Variants in OR1C1 observed in about 807,000 individuals in gnomAD.
OR1C1 encodes olfactory receptor 1C1.
For missense variants in OR1C1, 407 were observed against 384.3 expected, an observed-to-expected ratio of 1.06 and a Z score of -0.49; for synonymous variants, 153 against 154.6, an observed-to-expected ratio of 0.99 and a Z score of 0.08.
At position 247,758,151 on chromosome 1, in the gene OR1C1, A is replaced by C. The variant is rs767501036; in HGVS notation, c.256T>G (p.Leu86Val). The C allele has an allele frequency of 3.7e-6, 6 of 1,614,140 alleles. No individual in the cohort carries two copies. In the South Asian group the frequency reaches 6.6e-5, roughly 18 times the overall value. ...AAAGAGATAGTCTTGGTGCCAGTCAAGATATTCACTACCATTTGGGGGACT... is the reference window on the plus strand; with the variant it reads ...AAAGAGATAGTCTTGGTGCCAGTCACGATATTCACTACCATTTGGGGGACT... ...TTVPQMVVNI[L>V]TGTKTISFAG... The change falls in exon 2 of 2, where the codon TTG becomes GTG. Residue 86 changes from leucine to valine, a missense_variant. Leu to Val is a conservative substitution (Grantham distance 32). Transcript: ENST00000641256.
chr1:247,757,712 T>C lies in OR1C1; in HGVS notation c.695A>G (p.Gln232Arg). Residue 232 changes from glutamine to arginine, a missense_variant, in exon 2 of 2, where the codon CAG becomes CGG. Physicochemically the swap from Gln to Arg is conservative, Grantham distance 43 (BLOSUM62 1). Coordinates refer to ENST00000641256, the MANE Select transcript of OR1C1 (RefSeq NM_012353.3). ...FSTVLKITST[Q>R]GKQRAVSTCS... ...GGTGGAAACAGCTCTCTGCTTGCCC[T>C]GAGTAGAGGTGATCTTCAGAACAGT... is the stretch of plus-strand genomic sequence containing the variant. The C allele has an allele frequency of 6.2e-7, 1 of 1,613,974 alleles. No homozygotes were observed. The highest frequency in any genetic ancestry group is 8.5e-7 in the Non-Finnish European group (1 of 1,179,974).
At position 247,757,559 on chromosome 1, in the gene OR1C1, G is replaced by A. The variant is rs1439149981; in HGVS notation, c.848C>T (p.Pro283Leu). The A allele has an allele frequency of 1.9e-6, 3 of 1,613,866 alleles. No individual in the cohort carries two copies. Among genetic ancestry groups the A allele is most frequent in the South Asian group, 1.1e-5 (1 of 91,070 alleles). ...LSTIMYSMVA[P>L]MLNPFIYTLR... ...GGTATAGATGAAAGGATTCAGCATC[G>A]GAGCCACCATTGAATACATGATGGT... Residue 283 changes from proline (P) to leucine (L), a missense_variant, in exon 2 of 2, where the codon CCG (proline) becomes CTG (leucine). Coordinates refer to ENST00000641256, the MANE Select transcript of OR1C1 (RefSeq NM_012353.3).
chr1:247,757,546 A>G lies in OR1C1; in HGVS notation c.861T>C (p.Pro287=). 2.5e-6 allele frequency: 4 copies of G among 1,614,080 alleles called. No homozygotes were observed. The East Asian group carries it at 8.9e-5, about 36-fold the overall frequency. Residue 287 remains proline, a synonymous_variant, in exon 2 of 2, where the codon CCT becomes CCC. Coordinates refer to ENST00000641256, the MANE Select transcript of OR1C1 (RefSeq NM_012353.3). ...CCCTGTTCCTTAGGGTATAGATGAAAGGATTCAGCATCGGAGCCACCATTG... is the reference window on the plus strand; with the variant it reads ...CCCTGTTCCTTAGGGTATAGATGAAGGGATTCAGCATCGGAGCCACCATTG... ...MYSMVAPMLN[P]FIYTLRNRDM...
Position 247,757,529 on chromosome 1 carries a change from C to T in OR1C1, c.878G>A (p.Arg293Lys). The change falls in exon 2 of 2, where the codon AGG (arginine) becomes AAG (lysine). Residue 293 changes from arginine to lysine, a missense_variant. Transcript: ENST00000641256. ...AAGTCCCCTCTTCATATCCCTGTTCCTTAGGGTATAGATGAAAGGATTCAG... is the reference window on the plus strand; with the variant it reads ...AAGTCCCCTCTTCATATCCCTGTTCTTTAGGGTATAGATGAAAGGATTCAG... ...PMLNPFIYTLRNRDMKRGLQK... is the reference protein window; with the variant it reads ...PMLNPFIYTLKNRDMKRGLQK... 1.2e-6 allele frequency: 2 copies of T among 1,613,904 alleles called. No individual in the cohort carries two copies. The highest frequency in any genetic ancestry group is 1.7e-6 in the Non-Finnish European group (2 of 1,179,982).
chr1:247,758,266 C>T lies in OR1C1; in HGVS notation c.141G>A (p.Ala47=), dbSNP rs200208817. 3.9e-5 allele frequency: 63 copies of T among 1,613,778 alleles called. No homozygotes were observed. The highest frequency in any genetic ancestry group is 2.0e-4 in the Admixed American group (12 of 59,946). ...ATTLGNMLII[A]TIGFDSHLHS... ...GGAGGTGAGAGTCAAAGCCAATCGTCGCAATGATGAGCATGTTCCCCAAGG... is the reference window on the plus strand; with the variant it reads ...GGAGGTGAGAGTCAAAGCCAATCGTTGCAATGATGAGCATGTTCCCCAAGG... The change falls in exon 2 of 2, where the codon GCG becomes GCA. Residue 47 remains alanine, a synonymous_variant. Coordinates refer to ENST00000641256, the MANE Select transcript of OR1C1 (RefSeq NM_012353.3).
At chr1:247,759,288 A>T (rs1375968028) in intron 1 of OR1C1, among the ~76,000 whole-genome samples, 1 of 152,214 alleles carries the variant, frequency 6.6e-6, no homozygotes, top group African/African-American at 2.4e-5. Context: ...TGTAATCCGT[A>T]CTTTCCTTCA....
At chr1:247,759,927 C>T (rs1221611063) in intron 1 of OR1C1, among the ~76,000 whole-genome samples, 3 of 152,178 alleles carry the variant, frequency 2.0e-5, no homozygotes, top group Non-Finnish European at 4.4e-5. Context: ...TCTCCTTCCC[C>T]TGTAGGCACT....
rs909810506 is a variant in OR1C1, at chr1:247,757,371, C to T, written c.*91G>A. Reference sequence around the variant, plus strand: ...CCAGCATAAGGGAGACATTTAATAGCAGTTGGTTTCTCTTCTCACTGTTAT... The same window carrying T: ...CCAGCATAAGGGAGACATTTAATAGTAGTTGGTTTCTCTTCTCACTGTTAT... On this transcript the variant is annotated 3_prime_UTR_variant, in exon 2 of 2. Coordinates refer to ENST00000641256, the MANE Select transcript of OR1C1 (RefSeq NM_012353.3). 2 of 895,888 alleles carry T rather than the reference C, an allele frequency of 2.2e-6. No individual in the cohort carries two copies. Among genetic ancestry groups the T allele is most frequent in the Admixed American group, 4.4e-5 (2 of 45,182 alleles). The allele number at this position is 895,888 out of a possible 1,614,324, so 55.5% of individuals were successfully genotyped here.
rs1250665539 is a variant in OR1C1, at chr1:247,755,972, TCTACAC to T, written c.*1484_*1489del. 1.3e-5 allele frequency: 2 copies of T among 152,202 alleles called. No homozygotes were observed. Among genetic ancestry groups the T allele is most frequent in the African/African-American group, 4.8e-5 (2 of 41,448 alleles). 9.4% of individuals were successfully genotyped at this position (152,202 alleles called of 1,614,324 possible). Reference sequence around the variant, plus strand: ...CGAAACTTCTAAGCTTAAACAGTTTTCTACACCTACACTCTAGTGAAGGATTGAATT... The same window carrying T: ...CGAAACTTCTAAGCTTAAACAGTTTTCTACACTCTAGTGAAGGATTGAATT... On this transcript the variant is annotated 3_prime_UTR_variant, in exon 2 of 2. Transcript: ENST00000641256.
Position 247,756,242 on chromosome 1 carries a change from C to T in OR1C1, c.*1220G>A, listed in dbSNP as rs1661208250. 1 of 152,060 alleles carries T rather than the reference C, an allele frequency of 6.6e-6. No individual in the cohort carries two copies. The highest frequency in any genetic ancestry group is 1.5e-5 in the Non-Finnish European group (1 of 68,010). 9.4% of individuals were successfully genotyped at this position (152,060 alleles called of 1,614,324 possible). ...ATCACCTATGTAATAAACATAGCTC[C>T]TAATAGGTATTTTTTAAACCCTATT... On this transcript the variant is annotated 3_prime_UTR_variant, in exon 2 of 2. Transcript: ENST00000641256. The surrounding 1 kb of genome is among the most constrained non-coding windows in gnomAD (Gnocchi z 4.3).
intron 1 of OR1C1, among the ~76,000 whole-genome samples, chr1:247,759,902 C>G (rs1661299239): frequency 6.6e-6 from 1 of 152,178 alleles, no homozygotes; most frequent in African/African-American, 2.4e-5. Flanking sequence ...GGGAGAAGCA[C>G]TCTTTCAAAG....
intron 1 of OR1C1, among the ~76,000 whole-genome samples, chr1:247,759,506 G>T (rs1455376396): frequency 6.6e-6 from 1 of 152,228 alleles, no homozygotes; most frequent in South Asian, 2.1e-4. Context: ...TGTAGAAGTG[G>T]GAAGAGATTT....
intron 1 of OR1C1, among the ~76,000 whole-genome samples, chr1:247,759,856 G>A (rs1166048753): frequency 6.6e-6 from 1 of 152,104 alleles, no homozygotes; most frequent in African/African-American, 2.4e-5. Flanking sequence ...AAATCTGTAC[G>A]GAAAAGAAAC....
At position 247,757,616 on chromosome 1, in the gene OR1C1, G is replaced by T; in HGVS notation, c.791C>A (p.Ser264Tyr). The T allele has an allele frequency of 6.2e-7, 1 of 1,614,090 alleles. No individual in the cohort carries two copies. Among genetic ancestry groups the T allele is most frequent in the Non-Finnish European group, 8.5e-7 (1 of 1,180,004 alleles). Residue 264 changes from serine to tyrosine, a missense_variant, in exon 2 of 2, where the codon TCC becomes TAC. Transcript: ENST00000641256. ...AGTGTCGCTCTCAGGCATATGGGGG[G>T]ATGAAGGGCTGAAATAGACGGCGAT... ...TAIAVYFSPS[S>Y]PHMPESDTLS...
rs2103232306 is a variant in OR1C1 at position 247,755,993 on chromosome 1, A to G, written c.*1469T>C. On this transcript the variant is annotated 3_prime_UTR_variant, in exon 2 of 2. Coordinates refer to ENST00000641256, the MANE Select transcript of OR1C1 (RefSeq NM_012353.3). ...GTTTTCTACACCTACACTCTAGTGA[A>G]GGATTGAATTCACTTTTGTGACATA... is the stretch of plus-strand genomic sequence containing the variant. 6.6e-6 allele frequency: 1 copy of G among 152,348 alleles called. No individual in the cohort carries two copies. Among genetic ancestry groups the G allele is most frequent in the African/African-American group, 2.4e-5 (1 of 41,594 alleles). The allele number at this position is 152,348 out of a possible 1,614,324, so 9.4% of individuals were successfully genotyped here. A position where few individuals can be genotyped will look rare whatever the true frequency, so the allele number is the denominator to read the frequency against.
Position 247,758,083 on chromosome 1 carries a change from C to A in OR1C1, c.324G>T (p.Val108=). The change falls in exon 2 of 2, where the codon GTG becomes GTT. Residue 108 remains valine (V), a synonymous_variant. Transcript: ENST00000641256. ...LTQLFFFVSF[V]NMDSLLLCVM... is the part of the protein sequence containing the mutation. ...CACACAGAAGGAGGCTGTCCATATTCACAAAAGAAACGAAGAAGAAGAGCT... is the reference window on the plus strand; with the variant it reads ...CACACAGAAGGAGGCTGTCCATATTAACAAAAGAAACGAAGAAGAAGAGCT... 1 of 1,614,042 alleles carries A rather than the reference C, an allele frequency of 6.2e-7. No homozygotes were observed. The highest frequency in any genetic ancestry group is 1.1e-5 in the South Asian group (1 of 91,070).
chr1:247,757,006 T>A lies in OR1C1; in HGVS notation c.*456A>T, dbSNP rs1043985654. 3 of 155,748 alleles carry A rather than the reference T, an allele frequency of 1.9e-5. No homozygotes were observed. Among genetic ancestry groups the A allele is most frequent in the Admixed American group, 6.2e-5 (1 of 16,120 alleles). The allele number at this position is 155,748 out of a possible 1,614,324, so 9.6% of individuals were successfully genotyped here. On this transcript the variant is annotated 3_prime_UTR_variant, in exon 2 of 2. Transcript: ENST00000641256. ...ATACTTTAAAACTTGAATAAATTAT[T>A]TTAGTGATTTTTAAGAAGACTCACT... is the stretch of plus-strand genomic sequence containing the variant.
intron 1 of OR1C1, 68 bp from the exon 2 acceptor site, chr1:247,758,487 A>AGTGTGTGTGT (rs61126187): frequency 1.2e-3 from 689 of 597,004 alleles, no homozygotes; most frequent in African/African-American, 0.01. Context: ...AGAGAGAGAC[A>AGTGTGTGTGT]GTGTGTGTGT....
rs1199732481 is a variant in OR1C1, at chr1:247,757,871, C to A, written c.536G>T (p.Cys179Phe). ...GAGCTGCAGGAGAGGATTGAGATCA[C>A]AGAAGAAATGATGGATGATATTGGA... ...CASNIIHHFF[C>F]DLNPLLQLSC... Residue 179 changes from cysteine to phenylalanine, a missense_variant, in exon 2 of 2, where the codon TGT becomes TTT. Transcript: ENST00000641256. The A allele has an allele frequency of 5.6e-6, 9 of 1,613,944 alleles. No homozygotes were observed. Among genetic ancestry groups the A allele is most frequent in the Non-Finnish European group, 7.6e-6 (9 of 1,179,996 alleles).
Sources: gnomAD v4.1 joint callset for allele counts (sites outside exome capture counted in the v4.1 genomes callset) on GRCh38, gnomAD v4.1.1 for gene constraint, Gnocchi (gnomAD v3.1) non-coding constraint, MANE v1.5 for transcripts, NCBI Gene and HGNC (gene_info 2026-07-23, HGNC 2026-07-21) for gene names.